The following NCAM2 variants were observed in gnomAD, a reference collection of about 807,000 sequenced individuals.
NCAM2 encodes the protein N-CAM-2.
In NCAM2, 30 loss-of-function variants were observed where a neutral mutation model predicts 98.1. That is an observed-to-expected ratio of 0.31 (90% CI 0.23 to 0.41). The LOEUF is 0.41. Ranked by LOEUF, NCAM2 falls within the 10% of genes least tolerant of loss-of-function variation. The probability of loss-of-function intolerance (pLI) is 1.00; values close to 1 mark genes in which losing one functional copy is unlikely to be tolerated. For synonymous variants in NCAM2, 368 were observed against 342.4 expected (o/e 1.07, Z -0.83); for missense variants, 867 against 1,005.8 (o/e 0.86, Z 1.87).
At chr21:21,163,131 G>A (rs1312400095) in intron 1 of NCAM2, among the ~76,000 whole-genome samples, 1 of 152,154 alleles carries the variant, frequency 6.6e-6, no homozygotes. Flanking sequence ...TTGGTGTACA[G>A]CATTGAATTA....
Position 21,051,152 on chromosome 21 carries a change from A to C in NCAM2, c.55+52534A>C, listed in dbSNP as rs543187410. On this transcript the variant is annotated intron_variant, in intron 1 of 17. Coordinates refer to ENST00000400546, the MANE Select transcript of NCAM2 (RefSeq NM_004540.5). Reference sequence around the variant, plus strand: ...TTAGCTCTAGATGGTCCCATGTCCGAGGTAATATCCTTTTTATGGTTTTTT... The same window carrying C: ...TTAGCTCTAGATGGTCCCATGTCCGCGGTAATATCCTTTTTATGGTTTTTT... Among the ~76,000 whole-genome samples, 24 of 152,300 alleles carry C rather than the reference A, an allele frequency of 1.6e-4. 1 individual carries two copies. In the South Asian group the frequency reaches 5.0e-3, roughly 32 times the overall value.
intron 15 of NCAM2, among the ~76,000 whole-genome samples, chr21:21,495,776 G>A (rs1987182771): frequency 6.6e-6 from 1 of 151,618 alleles, no homozygotes. Context: ...TACGTCAAAT[G>A]GGAACCTGAT....
intron 1 of NCAM2, among the ~76,000 whole-genome samples, chr21:21,213,974 A>AT (rs1182073969): frequency 2.0e-5 from 3 of 152,094 alleles, no homozygotes; most frequent in Non-Finnish European, 4.4e-5. Flanking sequence ...CTAAGTACAC[A>AT]TTTTTTCCTT....
chr21:21,375,132 G>A (rs925105411), intron 9 of NCAM2, among the ~76,000 whole-genome samples: 1 of 150,568 alleles, frequency 6.6e-6, no homozygotes. Context: ...CCTGCACATT[G>A]TGCACATGTA....
At position 21,265,737 on chromosome 21, in the gene NCAM2, T is replaced by C. The variant is rs948159438; in HGVS notation, c.56-14841T>C. Among the ~76,000 whole-genome samples the C allele has an allele frequency of 6.6e-5, 10 of 151,548 alleles. 1 individual carries two copies. The highest frequency in any genetic ancestry group is 6.2e-4 in the South Asian group (3 of 4,814). ...ATACACATGGATATATAGGTGGACATTGGGGACTTCAAAATGGGGAAAAAG... is the reference window on the plus strand; with the variant it reads ...ATACACATGGATATATAGGTGGACACTGGGGACTTCAAAATGGGGAAAAAG... On this transcript the variant is annotated intron_variant, in intron 1 of 17. Coordinates refer to ENST00000400546, the MANE Select transcript of NCAM2 (RefSeq NM_004540.5).
intron 8 of NCAM2, among the ~76,000 whole-genome samples, chr21:21,340,853 T>G (rs527542709): frequency 6.6e-6 from 1 of 152,100 alleles, no homozygotes; most frequent in South Asian, 2.1e-4. Context: ...CCAAATAACA[T>G]TACCAGTGTT....
chr21:21,265,639 C>T (rs2072239250), intron 1 of NCAM2, among the ~76,000 whole-genome samples: 1 of 151,140 alleles, frequency 6.6e-6, no homozygotes, highest in Non-Finnish European at 1.5e-5. Context: ...GGCCATTATC[C>T]TATGTGAAAT....
chr21:21,151,389 T>C (rs965028784), intron 1 of NCAM2, among the ~76,000 whole-genome samples: 1 of 152,100 alleles, frequency 6.6e-6, no homozygotes, highest in African/African-American at 2.4e-5. Flanking sequence ...GAAAAGACTA[T>C]TCAGTAGTTG....
chr21:21,058,052 G>A (rs2065248707), intron 1 of NCAM2, among the ~76,000 whole-genome samples: 1 of 149,828 alleles, frequency 6.7e-6, no homozygotes, highest in African/African-American at 2.5e-5. Context: ...ACAGCCATCT[G>A]CTCCAGAGAT....
intron 5 of NCAM2, among the ~76,000 whole-genome samples, chr21:21,311,371 C>T (rs139002239): frequency 0.016 from 2,204 of 134,844 alleles, 66 homozygotes; most frequent in African/African-American, 0.059. Context: ...GACGGAGTCT[C>T]ACTCTGTGGC....
At chr21:21,084,369 C>T (rs1371367703) in intron 1 of NCAM2, among the ~76,000 whole-genome samples, 3 of 152,044 alleles carry the variant, frequency 2.0e-5, no homozygotes, top group Non-Finnish European at 2.9e-5. Flanking sequence ...TGTTAACCAC[C>T]GTTGTCAAGA....
At chr21:21,169,900 A>G (rs2068066858) in intron 1 of NCAM2, among the ~76,000 whole-genome samples, 1 of 152,190 alleles carries the variant, frequency 6.6e-6, no homozygotes, top group African/African-American at 2.4e-5. Flanking sequence ...TCGAGGCTGC[A>G]GTGAGCCAAG....
intron 12 of NCAM2, among the ~76,000 whole-genome samples, chr21:21,440,555 C>A (rs1455041858): frequency 6.6e-6 from 1 of 151,930 alleles, no homozygotes; most frequent in East Asian, 1.9e-4. Flanking sequence ...GTGGCAGGCG[C>A]CTGTGGTCCC....
chr21:21,280,539 T>C (rs766659053), intron 1 of NCAM2, 39 bp from the exon 2 acceptor site: 4 of 1,425,846 alleles, frequency 2.8e-6, no homozygotes, highest in South Asian at 2.4e-5. Context: ...GAAATCACGC[T>C]TAAAAATCAC....
intron 8 of NCAM2, among the ~76,000 whole-genome samples, chr21:21,348,564 T>A (rs2075250251): frequency 2.0e-5 from 3 of 151,972 alleles, no homozygotes; most frequent in Non-Finnish European, 2.9e-5. Flanking sequence ...TATCAAAATT[T>A]AATGACATTT....
At chr21:21,155,046 G>A (rs1312624241) in intron 1 of NCAM2, among the ~76,000 whole-genome samples, 1 of 151,554 alleles carries the variant, frequency 6.6e-6, no homozygotes, top group Non-Finnish European at 1.5e-5. Context: ...GAAAAAACAG[G>A]GGTAAATGCA....
rs1054162994 is a variant in NCAM2, at chr21:21,286,485, G to A, written c.481+73G>A. 1.6e-5 allele frequency: 23 copies of A among 1,461,736 alleles called. 1 individual carries two copies. The South Asian group carries it at 2.2e-4, about 14-fold the overall frequency. The allele number at this position is 1,461,736 out of a possible 1,614,324, so 90.5% of individuals were successfully genotyped here. On this transcript the variant is annotated intron_variant, in intron 4 of 17. Transcript: ENST00000400546. Reference sequence around the variant, plus strand: ...AGTTTTTAAAAATCTGAATCTATGTGTCTAGTTGTAGAAATTTGAATTTTT... The same window carrying A: ...AGTTTTTAAAAATCTGAATCTATGTATCTAGTTGTAGAAATTTGAATTTTT...
chr21:21,449,838 A>T (rs1434401910), intron 12 of NCAM2, among the ~76,000 whole-genome samples: 1 of 152,102 alleles, frequency 6.6e-6, no homozygotes, highest in Non-Finnish European at 1.5e-5. Flanking sequence ...ATGTACAGAT[A>T]TGATTTCAGA....
intron 1 of NCAM2, among the ~76,000 whole-genome samples, chr21:21,242,014 A>G (rs1399420360): frequency 6.6e-6 from 1 of 152,190 alleles, no homozygotes; most frequent in Admixed American, 6.5e-5. Flanking sequence ...AAGAATGTGG[A>G]AAGTAAATCA....
Sources: gnomAD v4.1 joint callset for allele counts (sites outside exome capture counted in the v4.1 genomes callset) on GRCh38, gnomAD v4.1.1 for gene constraint, MANE v1.5 for transcripts, NCBI Gene and HGNC (gene_info 2026-07-23, HGNC 2026-07-21) for gene names.